The following PDE5A variants were observed in gnomAD, a reference collection of about 807,000 sequenced individuals.
PDE5A encodes the protein cGMP-specific 3',5'-cyclic phosphodiesterase.
A neutral mutation model predicts 110.2 loss-of-function variants in PDE5A; 67 were observed. That is an observed-to-expected ratio of 0.61 (90% confidence interval 0.50 to 0.75). PDE5A has a LOEUF of 0.75. Among genes scored for constraint, PDE5A ranks in the 30% least tolerant of loss-of-function variants. The pLI is 0.00. For missense variants in PDE5A, 862 were observed against 1,045.1 expected, an observed-to-expected ratio of 0.82 and a Z score of 2.42; for synonymous variants, 328 against 351.2, an observed-to-expected ratio of 0.93 and a Z score of 0.74.
At chr4:119,570,584 C>A (rs529885252) in intron 3 of PDE5A, among the ~76,000 whole-genome samples, 17 of 152,158 alleles carry the variant, frequency 1.1e-4, no homozygotes, top group African/African-American at 3.9e-4. Flanking sequence ...TCTCACTGGG[C>A]GAGCAGTATG....
rs545867511 is a variant in PDE5A at position 119,564,262 on chromosome 4, A to G, written c.993+1059T>C. Among the ~76,000 whole-genome samples the G allele has an allele frequency of 3.9e-5, 6 of 152,210 alleles. No individual in the cohort carries two copies. The East Asian group carries it at 1.2e-3, about 29-fold the overall frequency. On this transcript the variant is annotated intron_variant, in intron 5 of 20. Transcript: ENST00000354960. ...CAAAGCACTACTTCTAAATTCTGAGAAACTGATTTTTCAGTTTAGAATTTT... is the reference window on the plus strand; with the variant it reads ...CAAAGCACTACTTCTAAATTCTGAGGAACTGATTTTTCAGTTTAGAATTTT...
At chr4:119,528,300 T>G (rs895250397) in intron 11 of PDE5A, among the ~76,000 whole-genome samples, 46 of 152,156 alleles carry the variant, frequency 3.0e-4, no homozygotes, top group African/African-American at 1.1e-3. Flanking sequence ...ACTCTGGACA[T>G]GAAAAGTCAC....
chr4:119,623,728 G>T (rs547616365), intron 1 of PDE5A, among the ~76,000 whole-genome samples: 1 of 152,284 alleles, frequency 6.6e-6, no homozygotes, highest in East Asian at 1.9e-4. Flanking sequence ...ATCTTGAGGT[G>T]TTGAGGACAT....
rs141076085 is a variant in PDE5A, at chr4:119,605,904, A to G, written c.741+805T>C. Among the ~76,000 whole-genome samples, 1,238 of 152,346 alleles carry G rather than the reference A, an allele frequency of 8.1e-3. 11 individuals are homozygous for G. Among genetic ancestry groups the G allele is most frequent in the African/African-American group, 0.028 (1,182 of 41,578 alleles). On this transcript the variant is annotated intron_variant, in intron 2 of 20. Coordinates refer to ENST00000354960, the MANE Select transcript of PDE5A (RefSeq NM_001083.4). ...GCCAGAATTACCACTGAATCTTTAT[A>G]GTGTACCACACAGTAGAAAGCTAGA... is the stretch of plus-strand genomic sequence containing the variant.
At position 119,533,021 on chromosome 4, in the gene PDE5A, G is replaced by A. The variant is rs1726601060; in HGVS notation, c.1632+5939C>T. The stretch of plus-strand genomic sequence containing the variant: ...AGAAAGTTATTTATTAAAGTAGTGT[G>A]AAAAGAATGGCAGTAATGGAACTTG... On this transcript the variant is annotated intron_variant, in intron 11 of 20. Transcript: ENST00000354960. 2.0e-5 allele frequency among the ~76,000 whole-genome samples: 3 copies of A among 152,140 alleles called. No individual in the cohort carries two copies. The South Asian group carries it at 6.2e-4, about 31-fold the overall frequency.
chr4:119,576,784 A>G (rs1196712026), intron 3 of PDE5A, among the ~76,000 whole-genome samples: 2 of 152,192 alleles, frequency 1.3e-5, no homozygotes, highest in Admixed American at 1.3e-4. Context: ...AGAACAAGAG[A>G]AGCAAGAGCA....
Position 119,627,101 on chromosome 4 carries a change from G to GC in PDE5A, c.152+1418dup. The stretch of plus-strand genomic sequence containing the variant: ...CCACCCAGCACCCGAGACCCGCCGC[G>GC]CCCCCGGAAAAAGTGGGAAGGGACG... On this transcript the variant is annotated intron_variant, in intron 1 of 20. Transcript: ENST00000354960. The surrounding 1 kb of genome is among the most constrained non-coding windows in gnomAD (Gnocchi z 4.6). The GC allele has an allele frequency of 6.2e-7, 1 of 1,606,416 alleles. No individual in the cohort carries two copies. Among genetic ancestry groups the GC allele is most frequent in the South Asian group, 1.1e-5 (1 of 89,986 alleles).
chr4:119,542,781 T>C (rs1726988213), intron 9 of PDE5A, 147 bp from the exon 10 acceptor site: 2 of 670,784 alleles, frequency 3.0e-6, no homozygotes, highest in Non-Finnish European at 5.1e-6. Context: ...CCCACAAATA[T>C]AAGCTAGAGA....
At chr4:119,547,634 T>A (rs944333168) in intron 9 of PDE5A, among the ~76,000 whole-genome samples, 2 of 152,082 alleles carry the variant, frequency 1.3e-5, no homozygotes, top group African/African-American at 4.8e-5. Context: ...TTTTATGTTA[T>A]GTTAATAGAA....
intron 5 of PDE5A, among the ~76,000 whole-genome samples, chr4:119,564,498 G>A (rs1448117220): frequency 6.6e-6 from 1 of 152,102 alleles, no homozygotes; most frequent in Non-Finnish European, 1.5e-5. Context: ...AGTGTAGCAG[G>A]CATAGGGCTA....
intron 1 of PDE5A, 147 bp downstream of exon 1, chr4:119,628,373 T>C (rs1730438578): frequency 3.7e-6 from 2 of 539,704 alleles, no homozygotes; most frequent in Non-Finnish European, 3.2e-6. Flanking sequence ...TTTTCGACTG[T>C]GCTCGCTTAG....
At chr4:119,543,453 G>T (rs913513162) in intron 9 of PDE5A, among the ~76,000 whole-genome samples, 1 of 152,046 alleles carries the variant, frequency 6.6e-6, no homozygotes, top group Non-Finnish European at 1.5e-5. Flanking sequence ...TCTACCATGT[G>T]CCCACTGTGG....
At chr4:119,574,770 A>G (rs1183458958) in intron 3 of PDE5A, among the ~76,000 whole-genome samples, 2 of 152,226 alleles carry the variant, frequency 1.3e-5, no homozygotes, top group African/African-American at 4.8e-5. Context: ...TGTATCAAGG[A>G]AAAGTGAATA....
chr4:119,612,346 CTTGTTTAAAAGTTGT>C (rs1180449748), intron 1 of PDE5A, among the ~76,000 whole-genome samples: 2 of 152,116 alleles, frequency 1.3e-5, no homozygotes, highest in Non-Finnish European at 2.9e-5. Flanking sequence ...AGTTCATGGC[CTTGTTTAAAAGTTGT>C]TTGTTTAAAA....
In PDE5A at chr4:119,530,015, G is replaced by A. The variant is rs148682107; in HGVS notation, c.1633-4320C>T. 6.0e-3 allele frequency among the ~76,000 whole-genome samples: 913 copies of A among 152,204 alleles called. 8 individuals carry two copies. The highest frequency in any genetic ancestry group is 0.02 in the African/African-American group (839 of 41,530). On this transcript the variant is annotated intron_variant, in intron 11 of 20. Coordinates refer to ENST00000354960, the MANE Select transcript of PDE5A (RefSeq NM_001083.4). Reference sequence around the variant, plus strand: ...CTGGGAGTGGGGCTCAGCAATCTGCGTTACAAAAACCTTCCAGGTGATTCT... The same window carrying A: ...CTGGGAGTGGGGCTCAGCAATCTGCATTACAAAAACCTTCCAGGTGATTCT...
chr4:119,577,769 A>C (rs1728414487), intron 3 of PDE5A, among the ~76,000 whole-genome samples: 1 of 152,210 alleles, frequency 6.6e-6, no homozygotes, highest in African/African-American at 2.4e-5. Context: ...CCCTTTGAAA[A>C]CTGGCACAAG....
intron 17 of PDE5A, among the ~76,000 whole-genome samples, 169 bp from the exon 18 acceptor site, chr4:119,504,768 T>A (rs1182253447): frequency 6.6e-6 from 1 of 152,090 alleles, no homozygotes; most frequent in Admixed American, 6.6e-5. Flanking sequence ...AACTAATACA[T>A]TGATAACAGA....
chr4:119,627,018 A>G lies in PDE5A; in HGVS notation c.152+1502T>C. 1 of 991,870 alleles carries G rather than the reference A, an allele frequency of 1.0e-6. No homozygotes were observed. Among genetic ancestry groups the G allele is most frequent in the Admixed American group, 2.3e-5 (1 of 42,846 alleles). The allele number at this position is 991,870 out of a possible 1,614,324, so 61.4% of individuals were successfully genotyped here. ...AGAGCAAAGAATAACAACAACAACA[A>G]AAGTTATACAGTCAATTTTCAATGA... is the stretch of plus-strand genomic sequence containing the variant. On this transcript the variant is annotated intron_variant, in intron 1 of 20. Transcript: ENST00000354960. The surrounding 1 kb of genome is among the most constrained non-coding windows in gnomAD (Gnocchi z 4.6).
intron 3 of PDE5A, among the ~76,000 whole-genome samples, chr4:119,583,566 A>G (rs905393320): frequency 1.3e-5 from 2 of 152,194 alleles, no homozygotes; most frequent in African/African-American, 2.4e-5. Flanking sequence ...TTTTTGGCCT[A>G]TCTTGGCTTT....
Sources: gnomAD v4.1 joint callset for allele counts (sites outside exome capture counted in the v4.1 genomes callset) on GRCh38, gnomAD v4.1.1 for gene constraint, Gnocchi (gnomAD v3.1) non-coding constraint, MANE v1.5 for transcripts, NCBI Gene and HGNC (gene_info 2026-07-23, HGNC 2026-07-21) for gene names.